NRG3: variants seen among roughly 807,000 people sequenced by gnomAD.
NRG3 encodes the protein pro-neuregulin-3, membrane-bound isoform.
In NRG3, 31 loss-of-function variants were observed where a neutral mutation model predicts 66.9. The ratio of observed to expected loss-of-function variants is 0.46; its 90% CI spans 0.35 to 0.63. The LOEUF (loss-of-function observed/expected upper bound fraction) is 0.63. Ranked by LOEUF, NRG3 falls within the 20% of genes least tolerant of loss-of-function variation. NRG3 has a pLI of 0.00. For missense variants in NRG3, 910 were observed against 878.9 expected, an observed-to-expected ratio of 1.04 and a Z score of -0.45; for synonymous variants, 393 against 359.4, an observed-to-expected ratio of 1.09 and a Z score of -1.06.
intron 4 of NRG3, among the ~76,000 whole-genome samples, chr10:82,906,918 T>A (rs988053844): frequency 6.6e-5 from 10 of 152,128 alleles, no homozygotes; most frequent in African/African-American, 2.2e-4. Flanking sequence ...ATTATACACA[T>A]AAGGAAATAA....
At chr10:82,091,565 A>G (rs115878441) in intron 1 of NRG3, among the ~76,000 whole-genome samples, 1,672 of 152,238 alleles carry the variant, frequency 0.011, 22 homozygotes, top group African/African-American at 0.031. Context: ...CATCTGCTAA[A>G]TAGTTGATTT....
chr10:82,721,575 G>C (rs1364735832), intron 2 of NRG3, among the ~76,000 whole-genome samples: 1 of 151,856 alleles, frequency 6.6e-6, no homozygotes, highest in African/African-American at 2.4e-5. Context: ...GGCACCCTCC[G>C]CCACACCTGG....
intron 1 of NRG3, among the ~76,000 whole-genome samples, chr10:82,291,393 C>T (rs1458568094): frequency 1.3e-5 from 2 of 152,114 alleles, no homozygotes; most frequent in Non-Finnish European, 2.9e-5. Context: ...CTGGAAGTCT[C>T]ACATAGTAAA....
rs145341732 is a variant in NRG3, at chr10:82,858,662, G to A, written c.1028-6749G>A. 6.6e-5 allele frequency among the ~76,000 whole-genome samples: 10 copies of A among 152,288 alleles called. No homozygotes were observed. The East Asian group carries it at 1.9e-3, about 29-fold the overall frequency. On this transcript the variant is annotated intron_variant, in intron 3 of 8. Transcript: ENST00000372141. ...CAGGGATCTGTGGGTGGAATCTACAGAGTGACAGATTTCAGTTCAGTTATT... is the reference window on the plus strand; with the variant it reads ...CAGGGATCTGTGGGTGGAATCTACAAAGTGACAGATTTCAGTTCAGTTATT...
chr10:82,691,759 C>T (rs2054946266), intron 2 of NRG3, among the ~76,000 whole-genome samples: 1 of 152,144 alleles, frequency 6.6e-6, no homozygotes, highest in Non-Finnish European at 1.5e-5. Flanking sequence ...TCACACAAAC[C>T]TACACAAGAA....
At chr10:82,178,591 A>G (rs1056761157) in intron 1 of NRG3, among the ~76,000 whole-genome samples, 1 of 152,064 alleles carries the variant, frequency 6.6e-6, no homozygotes, top group Non-Finnish European at 1.5e-5. Context: ...ATTTTATTGT[A>G]TGTATTTACA....
intron 3 of NRG3, among the ~76,000 whole-genome samples, chr10:82,763,745 GC>G (rs1449926062): frequency 6.6e-6 from 1 of 151,998 alleles, no homozygotes; most frequent in Non-Finnish European, 1.5e-5. Flanking sequence ...CAGTATGGTG[GC>G]CATTGGTCAT....
At chr10:82,027,146 T>C (rs1481009860) in intron 1 of NRG3, among the ~76,000 whole-genome samples, 1 of 152,122 alleles carries the variant, frequency 6.6e-6, no homozygotes, top group Non-Finnish European at 1.5e-5. Flanking sequence ...TAGAATAGTC[T>C]TTGGAAAATT....
intron 1 of NRG3, among the ~76,000 whole-genome samples, chr10:81,996,129 CAT>C (rs1176542035): frequency 6.6e-6 from 1 of 152,148 alleles, no homozygotes; most frequent in South Asian, 2.1e-4. Context: ...AAAAATATCA[CAT>C]AGTGTGTTAG....
chr10:82,594,893 A>C (rs1204804974), intron 2 of NRG3, among the ~76,000 whole-genome samples: 1 of 152,182 alleles, frequency 6.6e-6, no homozygotes, highest in Non-Finnish European at 1.5e-5. Context: ...CTCTCAAAAA[A>C]AAAATCTGCA....
chr10:81,927,689 C>T (rs1006818319), intron 1 of NRG3, among the ~76,000 whole-genome samples: 12 of 152,240 alleles, frequency 7.9e-5, no homozygotes, highest in African/African-American at 2.2e-4. Context: ...CCCTAATTAA[C>T]GTCTTGCATT....
intron 2 of NRG3, among the ~76,000 whole-genome samples, chr10:82,420,777 A>C (rs893259803): frequency 1.3e-5 from 2 of 152,190 alleles, no homozygotes; most frequent in African/African-American, 4.8e-5. Context: ...AATTTCCTTC[A>C]GTGGGAGAAT....
rs2075728270 is a variant in NRG3 at position 82,217,092 on chromosome 10, A to C, written c.824-141647A>C. Among the ~76,000 whole-genome samples, 3 of 152,328 alleles carry C rather than the reference A, an allele frequency of 2.0e-5. No individual in the cohort carries two copies. The South Asian group carries it at 6.2e-4, about 32-fold the overall frequency. ...ACTTTTTTTCAATTAAAAGTTATTT[A>C]TTAAATTTTCTTTCCTGAAACTGTT... On this transcript the variant is annotated intron_variant, in intron 1 of 8. Transcript: ENST00000372141.
chr10:82,916,491 T>A (rs2132019777), intron 4 of NRG3, among the ~76,000 whole-genome samples: 1 of 152,312 alleles, frequency 6.6e-6, no homozygotes, highest in South Asian at 2.1e-4. Flanking sequence ...TAAAAATTTC[T>A]GTACAGCAAT....
intron 4 of NRG3, among the ~76,000 whole-genome samples, chr10:82,877,005 A>G (rs757842189): frequency 6.6e-6 from 1 of 151,850 alleles, no homozygotes; most frequent in Non-Finnish European, 1.5e-5. Context: ...CCTGGGCAAC[A>G]AAAGTGAAAC....
chr10:82,191,650 G>A lies in NRG3; in HGVS notation c.824-167089G>A, dbSNP rs544739361. Among the ~76,000 whole-genome samples the A allele has an allele frequency of 2.6e-5, 4 of 152,216 alleles. No individual in the cohort carries two copies. In the South Asian group the frequency reaches 8.3e-4, roughly 32 times the overall value. ...ATACCACCAAGATGTAACTTACAAA[G>A]GTAACTCTACAAGAGGGAACTTCAT... On this transcript the variant is annotated intron_variant, in intron 1 of 8. Coordinates refer to ENST00000372141, the MANE Select transcript of NRG3 (RefSeq NM_001010848.4).
chr10:81,931,848 C>CT, intron 1 of NRG3, among the ~76,000 whole-genome samples: 1 of 152,072 alleles, frequency 6.6e-6, no homozygotes, highest in East Asian at 1.9e-4. Flanking sequence ...AGGCAGAAAG[C>CT]TTTTTTGTTT....
chr10:82,246,979 A>C (rs1194370976), intron 1 of NRG3, among the ~76,000 whole-genome samples: 1 of 152,210 alleles, frequency 6.6e-6, no homozygotes, highest in East Asian at 1.9e-4. Flanking sequence ...GCCGTAAGCT[A>C]TAAAGGACTA....
intron 2 of NRG3, among the ~76,000 whole-genome samples, chr10:82,427,751 C>G (rs967032071): frequency 6.6e-6 from 1 of 152,010 alleles, no homozygotes; most frequent in Non-Finnish European, 1.5e-5. Context: ...TCTTCCTCTT[C>G]CTTTATTTTT....
Sources: gnomAD v4.1 joint callset for allele counts (sites outside exome capture counted in the v4.1 genomes callset) on GRCh38, gnomAD v4.1.1 for gene constraint, MANE v1.5 for transcripts, NCBI Gene and HGNC (gene_info 2026-07-23, HGNC 2026-07-21) for gene names.